The following IPO11 variants were observed in gnomAD, a reference collection of about 807,000 sequenced individuals.
IPO11 encodes the protein importin 11.
In IPO11, 66 loss-of-function variants were observed where a neutral mutation model predicts 143.2. The observed-to-expected ratio is 0.46, with a 90% confidence interval of 0.38 to 0.57. The LOEUF is 0.57. IPO11 is among the 20% of genes least tolerant of loss of function. The probability of loss-of-function intolerance (pLI) is 0.00; values close to 1 mark genes in which losing one functional copy is unlikely to be tolerated. For missense variants in IPO11, 1,026 were observed against 1,141.0 expected (o/e 0.90, Z 1.45); for synonymous variants, 385 against 377.8 (o/e 1.02, Z -0.22).
chr5:62,435,944 G>T (rs538583926), intron 1 of IPO11, among the ~76,000 whole-genome samples: 2 of 152,032 alleles, frequency 1.3e-5, no homozygotes, highest in Non-Finnish European at 2.9e-5. Context: ...CAGGAGAATC[G>T]CTTGAACCCG....
rs771900102 is a variant in IPO11 at position 62,451,785 on chromosome 5, G to C, written c.368G>C (p.Arg123Thr). The C allele has an allele frequency of 5.0e-6, 8 of 1,614,176 alleles. No individual in the cohort carries two copies. The highest frequency in any genetic ancestry group is 1.1e-5 in the South Asian group (1 of 91,076). Reference protein sequence around the residue: ...IAKVARLDCPRQWPELIPTLI... With the variant: ...IAKVARLDCPTQWPELIPTLI... ...AAAGTTGCTAGATTGGATTGTCCCA[G>C]ACAGTGGCCTGAACTAATTCCCACT... is the stretch of plus-strand genomic sequence containing the variant. The change falls in exon 5 of 30, where the codon AGA becomes ACA. Residue 123 changes from arginine (R) to threonine (T), a missense_variant. Transcript: ENST00000325324.
intron 16 of IPO11, among the ~76,000 whole-genome samples, chr5:62,497,829 T>C (rs1177255214): frequency 6.6e-6 from 1 of 152,246 alleles, no homozygotes; most frequent in Non-Finnish European, 1.5e-5. Flanking sequence ...TTGAGTGTGA[T>C]GTAAGTAAGG....
rs1746655944 is a variant in IPO11 at position 62,628,316 on chromosome 5, TAA to T, written c.*1002_*1003del. Reference sequence around the variant, plus strand: ...CCTTATTCCTCGAACATGCAGTACATAAAAAGGGGAAAAGGAGAAAAAAAAAG... The same window carrying T: ...CCTTATTCCTCGAACATGCAGTACATAAAGGGGAAAAGGAGAAAAAAAAAG... On this transcript the variant is annotated 3_prime_UTR_variant, in exon 30 of 30. Coordinates refer to ENST00000325324, the MANE Select transcript of IPO11 (RefSeq NM_016338.5). 6.6e-6 allele frequency: 1 copy of T among 152,040 alleles called. No homozygotes were observed. 9.4% of individuals were successfully genotyped at this position (152,040 alleles called of 1,614,324 possible).
At chr5:62,438,706 C>T (rs1012361738) in intron 2 of IPO11, among the ~76,000 whole-genome samples, 2 of 149,568 alleles carry the variant, frequency 1.3e-5, no homozygotes, top group African/African-American at 4.9e-5. Context: ...GAGCTGAGAT[C>T]GTGCCATTGT....
chr5:62,535,053 T>TTATTTATTTGA (rs1742690519), intron 22 of IPO11, among the ~76,000 whole-genome samples: 3 of 150,676 alleles, frequency 2.0e-5, no homozygotes, highest in Admixed American at 6.6e-5. Flanking sequence ...ATTTATTTAT[T>TTATTTATTTGA]TGATGATGAT....
intron 16 of IPO11, among the ~76,000 whole-genome samples, chr5:62,497,544 T>G (rs964279179): frequency 1.3e-5 from 2 of 152,188 alleles, no homozygotes; most frequent in African/African-American, 4.8e-5. Flanking sequence ...CACGACTCAC[T>G]GCAGCCTCAA....
At chr5:62,423,005 G>A (rs1321669083) in intron 1 of IPO11, among the ~76,000 whole-genome samples, 1 of 152,068 alleles carries the variant, frequency 6.6e-6, no homozygotes, top group Admixed American at 6.6e-5. Context: ...ATCAGAAAGG[G>A]GATTGGAGAG....
At chr5:62,598,402 TTC>T (rs1745315951) in intron 28 of IPO11, among the ~76,000 whole-genome samples, 1 of 9,608 alleles carries the variant, frequency 1.0e-4, no homozygotes, top group Non-Finnish European at 1.6e-4. Context: ...CTTTCTTTCT[TTC>T]TTTCTTTCTT....
At chr5:62,569,402 A>G (rs1003857918) in intron 27 of IPO11, among the ~76,000 whole-genome samples, 1 of 152,174 alleles carries the variant, frequency 6.6e-6, no homozygotes, top group African/African-American at 2.4e-5. Context: ...ATAATTCTAC[A>G]GATTATTCTG....
intron 6 of IPO11, 72 bp from the exon 7 acceptor site, chr5:62,470,178 T>C: frequency 6.9e-7 from 1 of 1,441,172 alleles, no homozygotes. Flanking sequence ...TTTGCAATTC[T>C]GAATCTTTCT....
chr5:62,607,800 CT>C (rs753761939), intron 29 of IPO11, among the ~76,000 whole-genome samples: 176 of 142,050 alleles, frequency 1.2e-3, no homozygotes, highest in East Asian at 0.012. Flanking sequence ...TGCCACATCT[CT>C]TTTTTTTTTT....
chr5:62,626,437 G>A (rs754578970), intron 29 of IPO11, among the ~76,000 whole-genome samples: 3 of 152,076 alleles, frequency 2.0e-5, no homozygotes, highest in Admixed American at 6.6e-5. Context: ...CAGTTTTTCC[G>A]GTAACACTCT....
chr5:62,566,504 A>T (rs1467924973), intron 27 of IPO11, among the ~76,000 whole-genome samples: 1 of 152,010 alleles, frequency 6.6e-6, no homozygotes, highest in Non-Finnish European at 1.5e-5. Flanking sequence ...AGGCCGAGGC[A>T]GGCAGATCAC....
At chr5:62,573,644 A>G (rs1298428080) in intron 27 of IPO11, among the ~76,000 whole-genome samples, 2 of 152,218 alleles carry the variant, frequency 1.3e-5, no homozygotes, top group East Asian at 3.9e-4. Context: ...TGTCAAATCC[A>G]AGCTATAAGA....
intron 27 of IPO11, chr5:62,579,636 T>C: frequency 6.5e-7 from 1 of 1,549,934 alleles, no homozygotes. Flanking sequence ...TTTTTCTGTA[T>C]CTGACTGGGA....
chr5:62,453,440 T>A (rs778167736), intron 5 of IPO11, among the ~76,000 whole-genome samples: 11 of 147,764 alleles, frequency 7.4e-5, no homozygotes, highest in Non-Finnish European at 4.4e-5. Context: ...AGGGATGTAA[T>A]GGAAGGAGCC....
chr5:62,576,506 A>G (rs1030457905), intron 27 of IPO11, among the ~76,000 whole-genome samples: 5 of 152,212 alleles, frequency 3.3e-5, no homozygotes, highest in Non-Finnish European at 7.3e-5. Flanking sequence ...CTAAATACAT[A>G]TAGGCTGGAC....
At chr5:62,507,506 C>G (rs1741594279) in intron 19 of IPO11, among the ~76,000 whole-genome samples, 1 of 152,102 alleles carries the variant, frequency 6.6e-6, no homozygotes, top group Non-Finnish European at 1.5e-5. Flanking sequence ...AGTCTTTAAC[C>G]TTGTGTCCTC....
At chr5:62,530,028 ATATT>A (rs1561350306) in intron 21 of IPO11, among the ~76,000 whole-genome samples, 1 of 152,186 alleles carries the variant, frequency 6.6e-6, no homozygotes, top group Non-Finnish European at 1.5e-5. Context: ...TACTAAGTTC[ATATT>A]TATTAAGCAT....
Sources: allele counts gnomAD v4.1 joint callset (sites outside exome capture counted in the v4.1 genomes callset), GRCh38; gene constraint gnomAD v4.1.1; transcripts MANE v1.5; gene names NCBI Gene and HGNC (gene_info 2026-07-23, HGNC 2026-07-21).